Variants in SHISAL1 observed in about 807,000 individuals in gnomAD.
The protein encoded by SHISAL1 is shisa like 1.
SHISAL1 carries 9 observed loss-of-function variants against 22.6 expected under a neutral mutation model. The ratio of observed to expected loss-of-function variants is 0.40; its 90% CI spans 0.24 to 0.70. SHISAL1 has a LOEUF of 0.70. Among genes scored for constraint, SHISAL1 ranks in the 30% least tolerant of loss-of-function variants. The probability of loss-of-function intolerance (pLI) is 0.39; values close to 1 mark genes in which losing one functional copy is unlikely to be tolerated. For synonymous variants in SHISAL1, 119 were observed against 115.4 expected, an observed-to-expected ratio of 1.03 and a Z score of -0.20; for missense variants, 246 against 270.6, an observed-to-expected ratio of 0.91 and a Z score of 0.64.
intron 3 of SHISAL1, among the ~76,000 whole-genome samples, chr22:44,294,538 A>T (rs887031313): frequency 2.6e-5 from 4 of 152,238 alleles, no homozygotes; most frequent in Non-Finnish European, 4.4e-5. Flanking sequence ...AATTTGAAGG[A>T]TCACATTAAA....
intron 1 of SHISAL1, among the ~76,000 whole-genome samples, chr22:44,302,429 A>T (rs1263066423): frequency 5.9e-5 from 9 of 151,536 alleles, no homozygotes; most frequent in Non-Finnish European, 1.3e-4. Context: ...AAAAATTTTT[A>T]ATGTTACGAG....
intron 2 of SHISAL1, among the ~76,000 whole-genome samples, chr22:44,300,050 G>A (rs191479852): frequency 1.3e-5 from 2 of 151,504 alleles, no homozygotes; most frequent in African/African-American, 4.8e-5. Flanking sequence ...AAGAGACAGA[G>A]AGACAGAGAC....
At position 44,246,344 on chromosome 22, in the gene SHISAL1, T is replaced by A. The variant is rs1048922088; in HGVS notation, c.*3341A>T. The A allele has an allele frequency of 2.0e-5, 3 of 152,110 alleles. No individual in the cohort carries two copies. Among genetic ancestry groups the A allele is most frequent in the Non-Finnish European group, 4.4e-5 (3 of 68,044 alleles). 9.4% of individuals were successfully genotyped at this position (152,110 alleles called of 1,614,324 possible). ...TCGAATGCAGATTCCTCTGTGGACATCTTGTCCTCTTCTCTCTCTCGTTTT... is the reference window on the plus strand; with the variant it reads ...TCGAATGCAGATTCCTCTGTGGACAACTTGTCCTCTTCTCTCTCTCGTTTT... On this transcript the variant is annotated 3_prime_UTR_variant, in exon 5 of 5. Coordinates refer to ENST00000381176, the MANE Select transcript of SHISAL1 (RefSeq NM_001099294.2).
At chr22:44,329,252 G>A in the SHISAL1 span, among the ~76,000 whole-genome samples, 2 of 152,208 alleles carry the variant, frequency 1.3e-5, no homozygotes, top group Non-Finnish European at 2.9e-5. Context: ...AGGGATGGAT[G>A]GATGGATGAC....
intron 1 of SHISAL1, among the ~76,000 whole-genome samples, chr22:44,305,055 A>G (rs539555090): frequency 2.9e-4 from 44 of 151,886 alleles, no homozygotes; most frequent in African/African-American, 1.0e-3. Flanking sequence ...CTCTTCCTTC[A>G]CCCCTAGGAG....
chr22:44,330,041 C>G, the SHISAL1 span, among the ~76,000 whole-genome samples: 1 of 152,212 alleles, frequency 6.6e-6, no homozygotes, highest in African/African-American at 2.4e-5. Flanking sequence ...GCACAGCCAG[C>G]CAGCAGCGAG....
At chr22:44,327,387 G>T in the SHISAL1 span, among the ~76,000 whole-genome samples, 1 of 152,154 alleles carries the variant, frequency 6.6e-6, no homozygotes, top group South Asian at 2.1e-4. Flanking sequence ...AAGTGGGGAC[G>T]GCCCGTGACT....
At chr22:44,263,082 T>TC (rs1555925940) in intron 4 of SHISAL1, among the ~76,000 whole-genome samples, 92 of 124,166 alleles carry the variant, frequency 7.4e-4, no homozygotes, top group African/African-American at 2.4e-3. Context: ...TTTCTTTCTT[T>TC]TTTTTTTTTT....
chr22:44,302,201 A>G (rs2055434827), intron 1 of SHISAL1, among the ~76,000 whole-genome samples: 1 of 152,060 alleles, frequency 6.6e-6, no homozygotes, highest in Admixed American at 6.6e-5. Context: ...TTAGCCGGGC[A>G]TGGTGGTGCA....
the SHISAL1 span, among the ~76,000 whole-genome samples, chr22:44,329,444 C>T: frequency 7.0e-6 from 1 of 143,742 alleles, no homozygotes; most frequent in African/African-American, 2.5e-5. Context: ...GAATGGGACA[C>T]ACACACACAC....
chr22:44,326,697 C>T, the SHISAL1 span, among the ~76,000 whole-genome samples: 1 of 152,018 alleles, frequency 6.6e-6, no homozygotes, highest in African/African-American at 2.4e-5. Flanking sequence ...AGTATGTGCC[C>T]CAGATGGGAG....
chr22:44,297,638 T>C (rs11912676), intron 2 of SHISAL1, among the ~76,000 whole-genome samples: 22,694 of 152,274 alleles, frequency 0.15, 3,452 homozygotes, highest in African/African-American at 0.39. Context: ...CGGAGGCCCC[T>C]ATTCAGCCAC....
intron 4 of SHISAL1, among the ~76,000 whole-genome samples, chr22:44,266,140 A>T (rs2055159497): frequency 2.0e-5 from 3 of 151,926 alleles, no homozygotes; most frequent in Non-Finnish European, 4.4e-5. Context: ...GCTCCAAGTC[A>T]CCATCTCCAC....
upstream of SHISAL1, among the ~76,000 whole-genome samples, chr22:44,317,344 C>T (rs1430568490): frequency 5.3e-5 from 8 of 152,222 alleles, no homozygotes; most frequent in African/African-American, 9.6e-5. Flanking sequence ...TTACTCGGGG[C>T]GGTCCGCGCC....
intron 4 of SHISAL1, among the ~76,000 whole-genome samples, chr22:44,268,689 C>T (rs1208642842): frequency 3.3e-5 from 5 of 152,030 alleles, no homozygotes; most frequent in Non-Finnish European, 2.9e-5. Context: ...GGAGAGGCCT[C>T]GGGAAGGAGC....
intron 4 of SHISAL1, among the ~76,000 whole-genome samples, chr22:44,276,746 A>T (rs2055242316): frequency 1.3e-5 from 2 of 152,146 alleles, no homozygotes; most frequent in South Asian, 4.1e-4. Flanking sequence ...TGACCAGCAG[A>T]TCTGGATTCA....
intron 4 of SHISAL1, among the ~76,000 whole-genome samples, chr22:44,252,435 A>G (rs1437349275): frequency 6.6e-6 from 1 of 152,162 alleles, no homozygotes; most frequent in Non-Finnish European, 1.5e-5. Flanking sequence ...CATGGGATCA[A>G]AAACGCAGCT....
At chr22:44,279,977 C>T (rs2055264871) in intron 4 of SHISAL1, among the ~76,000 whole-genome samples, 1 of 152,080 alleles carries the variant, frequency 6.6e-6, no homozygotes, top group African/African-American at 2.4e-5. Flanking sequence ...CCCCTTGAGC[C>T]AAGTTGGGAA....
At chr22:44,283,116 G>C (rs1199939533) in intron 4 of SHISAL1, among the ~76,000 whole-genome samples, 2 of 152,246 alleles carry the variant, frequency 1.3e-5, no homozygotes, top group African/African-American at 2.4e-5. Context: ...GTCACGCTGC[G>C]TGTCAAAGAG....
Sources: allele counts gnomAD v4.1 joint callset (sites outside exome capture counted in the v4.1 genomes callset), GRCh38; gene constraint gnomAD v4.1.1; transcripts MANE v1.5; gene names NCBI Gene and HGNC (gene_info 2026-07-23, HGNC 2026-07-21).